NDST3: variants seen among roughly 807,000 people sequenced by gnomAD.
NDST3 encodes N-deacetylase and N-sulfotransferase 3.
In NDST3, 58 loss-of-function variants were observed where a neutral mutation model predicts 96.1. The ratio of observed to expected loss-of-function variants is 0.60; its 90% CI spans 0.49 to 0.75. The LOEUF (loss-of-function observed/expected upper bound fraction) is 0.75. Among genes scored for constraint, NDST3 ranks in the 30% least tolerant of loss-of-function variants. The pLI is 0.00. For missense variants in NDST3, 788 were observed against 1,034.2 expected (o/e 0.76, Z 3.27); for synonymous variants, 333 against 359.7 (o/e 0.93, Z 0.84).
intron 6 of NDST3, among the ~76,000 whole-genome samples, chr4:118,162,041 A>T (rs886974854): frequency 6.6e-6 from 1 of 152,190 alleles, no homozygotes; most frequent in African/African-American, 2.4e-5. Flanking sequence ...CCCAGCTTAC[A>T]AGGGACGCGA....
chr4:118,160,977 T>C (rs1221813500), intron 6 of NDST3, among the ~76,000 whole-genome samples: 2 of 152,200 alleles, frequency 1.3e-5, no homozygotes, highest in Non-Finnish European at 2.9e-5. Flanking sequence ...TTTTCTGCTC[T>C]GTTTTTCCCC....
At chr4:118,159,524 G>T (rs1241863747) in intron 6 of NDST3, among the ~76,000 whole-genome samples, 2 of 152,074 alleles carry the variant, frequency 1.3e-5, no homozygotes, top group Non-Finnish European at 2.9e-5. Flanking sequence ...ACAACAAAAG[G>T]TAACAAGGCG....
chr4:118,203,715 G>C (rs1054968227), intron 6 of NDST3, among the ~76,000 whole-genome samples: 5 of 152,116 alleles, frequency 3.3e-5, no homozygotes, highest in Non-Finnish European at 7.4e-5. Flanking sequence ...AAAAGTGTTT[G>C]CTGTTTCCAG....
intron 6 of NDST3, among the ~76,000 whole-genome samples, chr4:118,218,210 G>A (rs964420424): frequency 4.6e-5 from 7 of 152,122 alleles, no homozygotes; most frequent in African/African-American, 7.2e-5. Flanking sequence ...GCATCATCCC[G>A]ATACCAAAAC....
chr4:118,081,389 T>C (rs1263033481), intron 2 of NDST3, among the ~76,000 whole-genome samples: 2 of 148,244 alleles, frequency 1.3e-5, no homozygotes, highest in Non-Finnish European at 3.0e-5. Context: ...ATTTTTTAAA[T>C]GATGCATACA....
intron 2 of NDST3, among the ~76,000 whole-genome samples, chr4:118,080,867 A>G (rs2125817079): frequency 6.6e-6 from 1 of 152,306 alleles, no homozygotes; most frequent in East Asian, 1.9e-4. Context: ...AACTCATTTT[A>G]TTAGGGAGAA....
Position 118,053,761 on chromosome 4 carries a change from AT to A in NDST3, c.-146del. On this transcript the variant is annotated 5_prime_UTR_variant, in exon 2 of 14. Coordinates refer to ENST00000296499, the MANE Select transcript of NDST3 (RefSeq NM_004784.3). ...TATTCTTTTCTATTTTTCAGACTGT[AT>A]TTTCTGTGAGTCCTGATCAAGTGAT... The A allele has an allele frequency of 1.3e-6, 1 of 780,646 alleles. No individual in the cohort carries two copies. The highest frequency in any genetic ancestry group is 1.8e-5 in the African/African-American group (1 of 57,030). 48.4% of individuals were successfully genotyped at this position (780,646 alleles called of 1,614,324 possible). A position where few individuals can be genotyped will look rare whatever the true frequency, so the allele number is the denominator to read the frequency against.
Position 118,153,572 on chromosome 4 carries a change from C to T in NDST3, c.1539+9888C>T, listed in dbSNP as rs147457261. Among the ~76,000 whole-genome samples the T allele has an allele frequency of 5.7e-3, 868 of 152,184 alleles. 11 individuals carry two copies. Among genetic ancestry groups the T allele is most frequent in the African/African-American group, 0.02 (834 of 41,518 alleles). On this transcript the variant is annotated intron_variant, in intron 6 of 13. Transcript: ENST00000296499. The stretch of plus-strand genomic sequence containing the variant: ...GTGTGGTGGCTCATGCCTTTAATAC[C>T]AGCACTTTGGGATGCCAAAGCGGGT...
At chr4:118,255,497 G>T in intron 13 of NDST3, 96 bp from the exon 14 acceptor site, 1 of 1,260,980 alleles carries the variant, frequency 7.9e-7, no homozygotes, top group Non-Finnish European at 1.1e-6. Context: ...TTTTAATCCA[G>T]ATCTGGTATA....
At chr4:118,248,105 C>A (rs774652760) in intron 12 of NDST3, among the ~76,000 whole-genome samples, 2 of 152,158 alleles carry the variant, frequency 1.3e-5, no homozygotes, top group African/African-American at 2.4e-5. Flanking sequence ...AATCCTAACA[C>A]TTTAAGAGGC....
intron 6 of NDST3, among the ~76,000 whole-genome samples, chr4:118,192,848 CAG>C (rs1289783747): frequency 6.6e-6 from 1 of 151,782 alleles, no homozygotes; most frequent in African/African-American, 2.4e-5. Context: ...GGAAAACTGA[CAG>C]GGGAAATACC....
intron 6 of NDST3, among the ~76,000 whole-genome samples, chr4:118,159,716 A>T (rs923434775): frequency 1.3e-5 from 2 of 152,204 alleles, no homozygotes; most frequent in African/African-American, 4.8e-5. Context: ...AGAAATAGAA[A>T]ATATTAAAAA....
At chr4:118,161,743 G>A (rs1735157883) in intron 6 of NDST3, among the ~76,000 whole-genome samples, 2 of 152,128 alleles carry the variant, frequency 1.3e-5, no homozygotes, top group African/African-American at 2.4e-5. Context: ...GTATTAGGGT[G>A]GGAGTGACCT....
intron 5 of NDST3, among the ~76,000 whole-genome samples, chr4:118,139,321 CT>C (rs1443260192): frequency 1.3e-5 from 2 of 152,156 alleles, no homozygotes; most frequent in Non-Finnish European, 2.9e-5. Context: ...ACATTTTTAT[CT>C]GTATTATAAA....
At chr4:118,066,202 T>TA (rs1560617800) in intron 2 of NDST3, among the ~76,000 whole-genome samples, 2 of 57,256 alleles carry the variant, frequency 3.5e-5, no homozygotes, top group African/African-American at 1.4e-4. Flanking sequence ...TATATTATAT[T>TA]TTATATATTA....
chr4:118,095,437 G>T (rs1018838412), intron 2 of NDST3, among the ~76,000 whole-genome samples: 31 of 151,792 alleles, frequency 2.0e-4, no homozygotes, highest in Non-Finnish European at 1.9e-4. Flanking sequence ...TAAAGTCAGT[G>T]TAAAGAGCAT....
chr4:118,112,725 G>C lies in NDST3; in HGVS notation c.1070-2081G>C, dbSNP rs556906091. On this transcript the variant is annotated intron_variant, in intron 3 of 13. Coordinates refer to ENST00000296499, the MANE Select transcript of NDST3 (RefSeq NM_004784.3). ...CAAAGGTCACCTTATTTATCACCTC[G>C]AATTTAGAAGGACCCAAGAACCTGC... Among the ~76,000 whole-genome samples, 9 of 152,136 alleles carry C rather than the reference G, an allele frequency of 5.9e-5. 1 individual carries two copies. The highest frequency in any genetic ancestry group is 1.5e-5 in the Non-Finnish European group (1 of 67,984).
chr4:118,120,551 G>A (rs1161439608), intron 4 of NDST3, among the ~76,000 whole-genome samples: 3 of 152,148 alleles, frequency 2.0e-5, no homozygotes, highest in African/African-American at 7.2e-5. Context: ...AAGCAGAGGA[G>A]GGTAGGAGCT....
At chr4:118,194,757 C>T (rs1523744) in intron 6 of NDST3, 81,522 of 460,640 alleles carry the variant, frequency 0.18, 7,756 homozygotes, top group South Asian at 0.25. Flanking sequence ...GTCATCTCCA[C>T]GCAGCGCACC....
Sources: gnomAD v4.1 joint callset for allele counts (sites outside exome capture counted in the v4.1 genomes callset) on GRCh38, gnomAD v4.1.1 for gene constraint, MANE v1.5 for transcripts, NCBI Gene and HGNC (gene_info 2026-07-23, HGNC 2026-07-21) for gene names.